The following RAB3C variants were observed in gnomAD, a reference collection of about 807,000 sequenced individuals.
The protein encoded by RAB3C is ras-related protein Rab-3C.
RAB3C carries 17 observed loss-of-function variants against 26.4 expected under a neutral mutation model. The observed-to-expected ratio is 0.64, with a 90% CI of 0.44 to 0.97. The LOEUF is 0.97. RAB3C is among the 50% of genes least tolerant of loss of function. The pLI is 0.00. For missense variants in RAB3C, 242 were observed against 281.9 expected (o/e 0.86, Z 1.01); for synonymous variants, 91 against 95.9 (o/e 0.95, Z 0.30).
At chr5:58,701,975 A>G (rs1243343596) in intron 2 of RAB3C, among the ~76,000 whole-genome samples, 1 of 152,136 alleles carries the variant, frequency 6.6e-6, no homozygotes, top group Admixed American at 6.5e-5. Context: ...CCCCTTGGAG[A>G]GCCATCATTC....
intron 3 of RAB3C, among the ~76,000 whole-genome samples, chr5:58,741,044 C>T (rs952247190): frequency 2.6e-5 from 4 of 152,038 alleles, no homozygotes; most frequent in Admixed American, 6.6e-5. Flanking sequence ...TAGAATGACT[C>T]ACAGAACTCA....
At chr5:58,835,995 G>A (rs1173957794) in intron 4 of RAB3C, among the ~76,000 whole-genome samples, 1 of 152,096 alleles carries the variant, frequency 6.6e-6, no homozygotes. Context: ...AAATTATTAG[G>A]GCGGGGAACA....
chr5:58,596,935 A>C (rs1188197273), intron 1 of RAB3C, among the ~76,000 whole-genome samples: 1 of 95,564 alleles, frequency 1.0e-5, no homozygotes, highest in Non-Finnish European at 1.8e-5. Context: ...TATTATATAT[A>C]AATATATAAT....
rs72760280 is a variant in RAB3C at position 58,666,152 on chromosome 5, A to G, written c.252+48282A>G. ...GGGTAAGAGGATGAAACAATAGTAG[A>G]CAGCTATAATTATTTGGTTAGGGAT... On this transcript the variant is annotated intron_variant, in intron 2 of 4. Coordinates refer to ENST00000282878, the MANE Select transcript of RAB3C (RefSeq NM_138453.4). Among the ~76,000 whole-genome samples the G allele has an allele frequency of 4.3e-3, 648 of 152,318 alleles. 4 individuals carry two copies. Among genetic ancestry groups the G allele is most frequent in the Middle Eastern group, 0.024 (7 of 294 alleles).
chr5:58,820,290 C>G (rs957064330), intron 3 of RAB3C, among the ~76,000 whole-genome samples: 1 of 151,512 alleles, frequency 6.6e-6, no homozygotes, highest in African/African-American at 2.4e-5. Context: ...ATTTAATTTG[C>G]TACATCCTTT....
intron 2 of RAB3C, among the ~76,000 whole-genome samples, chr5:58,648,155 C>T (rs867399603): frequency 6.6e-6 from 1 of 152,122 alleles, no homozygotes; most frequent in Non-Finnish European, 1.5e-5. Context: ...GAAATAAAGT[C>T]CACTGGTTCA....
At chr5:58,832,344 C>A (rs752739931) in intron 4 of RAB3C, among the ~76,000 whole-genome samples, 15 of 152,176 alleles carry the variant, frequency 9.9e-5, no homozygotes, top group Non-Finnish European at 1.6e-4. Context: ...GCCAAAGATT[C>A]TTTTCTTAAA....
rs574827261 is a variant in RAB3C at position 58,605,846 on chromosome 5, G to A, written c.25-11797G>A. ...CTTACACCCGGGAGGTAGAGGTTGC[G>A]GTGAGCCAAGATCGTGCCATTGCAC... is the stretch of plus-strand genomic sequence containing the variant. On this transcript the variant is annotated intron_variant, in intron 1 of 4. Transcript: ENST00000282878. Among the ~76,000 whole-genome samples the A allele has an allele frequency of 5.0e-4, 76 of 152,224 alleles. 2 individuals carry two copies. The South Asian group carries it at 0.011, about 21-fold the overall frequency.
intron 4 of RAB3C, among the ~76,000 whole-genome samples, chr5:58,829,277 T>C (rs529516576): frequency 6.6e-6 from 1 of 152,208 alleles, no homozygotes; most frequent in Non-Finnish European, 1.5e-5. Flanking sequence ...AAATTCTATA[T>C]TAAATTTATA....
At chr5:58,832,986 G>A (rs1516430) in intron 4 of RAB3C, among the ~76,000 whole-genome samples, 91,832 of 151,942 alleles carry the variant, frequency 0.6, 27,991 homozygotes, top group Middle Eastern at 0.74. Context: ...GAGTACAAAA[G>A]GAAAATATTA....
intron 2 of RAB3C, among the ~76,000 whole-genome samples, chr5:58,680,307 A>G (rs1748320527): frequency 6.6e-6 from 1 of 152,186 alleles, no homozygotes; most frequent in Non-Finnish European, 1.5e-5. Flanking sequence ...AGTGAAGGAG[A>G]AAAACTTATA....
chr5:58,670,317 T>G (rs866684456), intron 2 of RAB3C, among the ~76,000 whole-genome samples: 5 of 150,442 alleles, frequency 3.3e-5, no homozygotes, highest in Non-Finnish European at 4.4e-5. Flanking sequence ...AAAGGATAGT[T>G]TTTTTTTTTA....
At chr5:58,675,615 C>CTTTTT (rs1195191076) in intron 2 of RAB3C, among the ~76,000 whole-genome samples, 4 of 89,402 alleles carry the variant, frequency 4.5e-5, no homozygotes, top group African/African-American at 8.0e-5. Context: ...GGCCATTTGT[C>CTTTTT]TTTTTTTTTT....
chr5:58,618,033 T>A (rs887606334), intron 2 of RAB3C, among the ~76,000 whole-genome samples, 163 bp downstream of exon 2: 1 of 150,394 alleles, frequency 6.6e-6, no homozygotes, highest in Non-Finnish European at 1.5e-5. Context: ...GTAGTGGTGA[T>A]GCCTCTTTAA....
At position 58,583,443 on chromosome 5, in the gene RAB3C, G is replaced by A. The variant is rs116279670; in HGVS notation, c.24+211G>A. ...GTCTTGATGAGGGATCGGGCTATTC[G>A]CAATCTTTCTAGGCTCTGTAAAGAG... On this transcript the variant is annotated intron_variant, in intron 1 of 4. Transcript: ENST00000282878. The A allele has an allele frequency of 3.5e-3, 2,357 of 669,040 alleles. 40 individuals are homozygous for A. In the African/African-American group the frequency reaches 0.043, roughly 12 times the overall value. 41.4% of individuals were successfully genotyped at this position (669,040 alleles called of 1,614,324 possible).
intron 3 of RAB3C, among the ~76,000 whole-genome samples, chr5:58,758,004 C>T (rs1307556437): frequency 2.6e-5 from 4 of 152,116 alleles, no homozygotes; most frequent in South Asian, 4.1e-4. Flanking sequence ...TGCAGTGGTG[C>T]GATCTCAGCT....
In RAB3C at chr5:58,851,536, T is replaced by A; in HGVS notation, c.*185T>A. On this transcript the variant is annotated 3_prime_UTR_variant, in exon 5 of 5. Transcript: ENST00000282878. ...TTAATATGTGGCAAATATGTGATCT[T>A]AAATTTATAAGGACTATCCATCTAT... 1 of 470,302 alleles carries A rather than the reference T, an allele frequency of 2.1e-6. No homozygotes were observed. Among genetic ancestry groups the A allele is most frequent in the Non-Finnish European group, 3.7e-6 (1 of 272,022 alleles). 29.1% of individuals were successfully genotyped at this position (470,302 alleles called of 1,614,324 possible).
chr5:58,640,668 T>G (rs1747396203), intron 2 of RAB3C, among the ~76,000 whole-genome samples: 1 of 152,138 alleles, frequency 6.6e-6, no homozygotes, highest in African/African-American at 2.4e-5. Context: ...CTAAAAATCC[T>G]CTCATAAGTG....
intron 3 of RAB3C, among the ~76,000 whole-genome samples, chr5:58,750,537 C>G (rs2111961304): frequency 6.6e-6 from 1 of 152,234 alleles, no homozygotes; most frequent in South Asian, 2.1e-4. Context: ...TATAGAAACT[C>G]TAAGAAATAG....
Sources: gnomAD v4.1 joint callset for allele counts (sites outside exome capture counted in the v4.1 genomes callset) on GRCh38, gnomAD v4.1.1 for gene constraint, MANE v1.5 for transcripts, NCBI Gene and HGNC (gene_info 2026-07-23, HGNC 2026-07-21) for gene names.